Variants in FER observed in about 807,000 individuals in gnomAD.
The protein encoded by FER is tyrosine-protein kinase Fer.
FER carries 63 observed loss-of-function variants against 111.0 expected under a neutral mutation model. The observed-to-expected ratio is 0.57, with a 90% CI of 0.46 to 0.70. The LOEUF (loss-of-function observed/expected upper bound fraction) is 0.70. FER is among the 30% of genes least tolerant of loss of function. The pLI is 0.00. For missense variants in FER, 914 were observed against 954.0 expected, an observed-to-expected ratio of 0.96 and a Z score of 0.55; for synonymous variants, 327 against 313.9, an observed-to-expected ratio of 1.04 and a Z score of -0.44.
At chr5:109,000,795 G>T (rs1257446211) in intron 13 of FER, among the ~76,000 whole-genome samples, 2 of 151,870 alleles carry the variant, frequency 1.3e-5, no homozygotes, top group Non-Finnish European at 2.9e-5. Context: ...GAATCAAATA[G>T]ACACAATAAA....
At chr5:109,132,536 G>T (rs1156857335) in intron 17 of FER, among the ~76,000 whole-genome samples, 1 of 152,098 alleles carries the variant, frequency 6.6e-6, no homozygotes, top group Non-Finnish European at 1.5e-5. Context: ...AGGCAGGGAA[G>T]GAAGGTCTGC....
intron 17 of FER, among the ~76,000 whole-genome samples, chr5:109,159,355 T>C (rs1293519294): frequency 6.6e-6 from 1 of 152,204 alleles, no homozygotes; most frequent in Non-Finnish European, 1.5e-5. Context: ...CATATTTTTG[T>C]GTTTATAGCA....
At position 108,777,206 on chromosome 5, in the gene FER, A is replaced by G. The variant is rs1363556787; in HGVS notation, c.-60+8968A>G. On this transcript the variant is annotated intron_variant, in intron 2 of 19. Transcript: ENST00000281092. ...GTACTTTGTCAGATATATGGCTTGCAGATATGGCTTGCAGATATTTGCTCC... is the reference window on the plus strand; with the variant it reads ...GTACTTTGTCAGATATATGGCTTGCGGATATGGCTTGCAGATATTTGCTCC... Among the ~76,000 whole-genome samples the G allele has an allele frequency of 3.3e-5, 5 of 152,218 alleles. No homozygotes were observed. The East Asian group carries it at 9.6e-4, about 29-fold the overall frequency.
intron 13 of FER, among the ~76,000 whole-genome samples, chr5:108,993,531 AAG>A (rs1179276576): frequency 6.7e-6 from 1 of 149,916 alleles, no homozygotes; most frequent in Non-Finnish European, 1.5e-5. Flanking sequence ...AGACTGTGGA[AAG>A]AGAGGGAGAG....
At position 109,191,118 on chromosome 5, in the gene FER, C is replaced by G. The variant is rs1234053431; in HGVS notation, c.*3543C>G. The G allele has an allele frequency of 6.6e-6, 1 of 152,114 alleles. No homozygotes were observed. Among genetic ancestry groups the G allele is most frequent in the Non-Finnish European group, 1.5e-5 (1 of 68,002 alleles). 9.4% of individuals were successfully genotyped at this position (152,114 alleles called of 1,614,324 possible). A position where few individuals can be genotyped will look rare whatever the true frequency, so the allele number is the denominator to read the frequency against. On this transcript the variant is annotated 3_prime_UTR_variant, in exon 20 of 20. Transcript: ENST00000281092. ...AAAGTGTTTTAGTTACAACATACGC[C>G]ACCCACTGAGGACCTTGTAGTGGGA...
intron 17 of FER, among the ~76,000 whole-genome samples, chr5:109,142,800 T>A (rs1017547877): frequency 3.9e-5 from 6 of 152,102 alleles, no homozygotes; most frequent in African/African-American, 1.4e-4. Context: ...CAGTATATAT[T>A]TTAGCATTGA....
At chr5:108,753,592 G>C (rs190115515) in intron 1 of FER, among the ~76,000 whole-genome samples, 1 of 151,958 alleles carries the variant, frequency 6.6e-6, no homozygotes, top group Non-Finnish European at 1.5e-5. Flanking sequence ...TAGTGCCCCC[G>C]CAAACACATT....
At chr5:108,788,626 C>T (rs1755014238) in intron 2 of FER, among the ~76,000 whole-genome samples, 3 of 151,834 alleles carry the variant, frequency 2.0e-5, no homozygotes, top group African/African-American at 4.8e-5. Flanking sequence ...TTGGTTTCTC[C>T]TCCTTTCAGT....
chr5:108,894,877 A>G (rs1451256464), intron 9 of FER, among the ~76,000 whole-genome samples: 1 of 151,956 alleles, frequency 6.6e-6, no homozygotes, highest in Non-Finnish European at 1.5e-5. Flanking sequence ...ACCCCCCATC[A>G]TGTTTCAATT....
chr5:109,143,986 G>A (rs1165780659), intron 17 of FER, among the ~76,000 whole-genome samples: 1 of 151,750 alleles, frequency 6.6e-6, no homozygotes, highest in Non-Finnish European at 1.5e-5. Context: ...TAACACACTG[G>A]CTCTTGCCAC....
chr5:109,096,077 G>C (rs1308100328), intron 16 of FER, among the ~76,000 whole-genome samples: 1 of 151,662 alleles, frequency 6.6e-6, no homozygotes, highest in Non-Finnish European at 1.5e-5. Flanking sequence ...TAATATTCTT[G>C]TTGCATAATA....
Position 108,810,905 on chromosome 5 carries a change from G to A in FER, c.207+12516G>A, listed in dbSNP as rs574763709. On this transcript the variant is annotated intron_variant, in intron 3 of 19. Transcript: ENST00000281092. ...GTAGGGTGGCTCATGCTTCCAGTCC[G>A]GGCATGCAGGTTCTTTGAATGCCTG... Among the ~76,000 whole-genome samples, 27 of 151,798 alleles carry A rather than the reference G, an allele frequency of 1.8e-4. 1 individual carries two copies. Among genetic ancestry groups the A allele is most frequent in the Admixed American group, 1.2e-3 (19 of 15,262 alleles).
In FER at chr5:109,142,264, A is replaced by G. The variant is rs1753604489; in HGVS notation, c.2049-38483A>G. Among the ~76,000 whole-genome samples, 3 of 152,164 alleles carry G rather than the reference A, an allele frequency of 2.0e-5. No individual in the cohort carries two copies. In the South Asian group the frequency reaches 6.2e-4, roughly 32 times the overall value. ...CAAAGAGATTTAAAAATAATAATTAAGTTGTCGATATTAGAACATTTGAAA... is the reference window on the plus strand; with the variant it reads ...CAAAGAGATTTAAAAATAATAATTAGGTTGTCGATATTAGAACATTTGAAA... On this transcript the variant is annotated intron_variant, in intron 17 of 19. Transcript: ENST00000281092.
chr5:109,170,950 T>C (rs1436535775), intron 17 of FER, among the ~76,000 whole-genome samples: 1 of 152,158 alleles, frequency 6.6e-6, no homozygotes, highest in African/African-American at 2.4e-5. Flanking sequence ...GGTCATATGC[T>C]AGCCACCAGC....
intron 17 of FER, among the ~76,000 whole-genome samples, chr5:109,104,782 G>A (rs546797626): frequency 4.6e-5 from 7 of 151,440 alleles, no homozygotes; most frequent in East Asian, 1.9e-4. Context: ...TCACTCTGTC[G>A]CCCAGGCTGG....
At chr5:109,148,823 C>T (rs1009173973) in intron 17 of FER, among the ~76,000 whole-genome samples, 1 of 152,042 alleles carries the variant, frequency 6.6e-6, no homozygotes, top group African/African-American at 2.4e-5. Context: ...GGCTTTGATG[C>T]TTGGCATTGT....
At chr5:109,088,444 T>C (rs1232512891) in intron 16 of FER, among the ~76,000 whole-genome samples, 1 of 152,122 alleles carries the variant, frequency 6.6e-6, no homozygotes, top group Non-Finnish European at 1.5e-5. Context: ...GCAGGCATTT[T>C]CCTCCCTCTC....
intron 5 of FER, among the ~76,000 whole-genome samples, chr5:108,864,599 A>G (rs1055461103): frequency 6.6e-6 from 1 of 152,148 alleles, no homozygotes; most frequent in Admixed American, 6.5e-5. Context: ...TCCCAGCACC[A>G]TTTATTAAAT....
chr5:108,818,548 T>C (rs1446966948), intron 3 of FER, among the ~76,000 whole-genome samples: 2 of 152,154 alleles, frequency 1.3e-5, no homozygotes. Context: ...TTCTGAAAAA[T>C]GTTCTAAAAT....
Sources: gnomAD v4.1 joint callset for allele counts (sites outside exome capture counted in the v4.1 genomes callset) on GRCh38, gnomAD v4.1.1 for gene constraint, MANE v1.5 for transcripts, NCBI Gene and HGNC (gene_info 2026-07-23, HGNC 2026-07-21) for gene names.